The following PALB2 variants were observed in gnomAD, a reference collection of about 807,000 sequenced individuals.
PALB2 encodes the protein partner and localizer of BRCA2.
In PALB2, 82 loss-of-function variants were observed where a neutral mutation model predicts 107.4. The observed-to-expected ratio is 0.76, with a 90% CI of 0.64 to 0.92. PALB2 has a LOEUF of 0.92. Ranked by LOEUF, PALB2 falls within the 40% of genes least tolerant of loss-of-function variation. The probability of loss-of-function intolerance (pLI) is 0.00; values close to 1 mark genes in which losing one functional copy is unlikely to be tolerated. For missense variants in PALB2, 1,374 were observed against 1,379.9 expected, an observed-to-expected ratio of 1.00 and a Z score of 0.07; for synonymous variants, 489 against 496.8, an observed-to-expected ratio of 0.98 and a Z score of 0.21.
chr16:23,635,112 A>T lies in PALB2; in HGVS notation c.1434T>A (p.Ser478=), dbSNP rs1394196009. 1 of 1,614,178 alleles carries T rather than the reference A, an allele frequency of 6.2e-7. No individual in the cohort carries two copies. Among genetic ancestry groups the T allele is most frequent in the Non-Finnish European group, 8.5e-7 (1 of 1,180,020 alleles). ...TCTGQPSSRT[S]QKLLSLTKVS... is the part of the protein sequence containing the mutation. Reference sequence around the variant, plus strand: ...CTTTAGTTAATGAGAGAAGTTTCTGAGAGGTTCTTGAACTTGGTTGTCCTG... The same window carrying T: ...CTTTAGTTAATGAGAGAAGTTTCTGTGAGGTTCTTGAACTTGGTTGTCCTG... The change falls in exon 4 of 13, where the codon TCT becomes TCA. Residue 478 remains serine, a synonymous_variant. Coordinates refer to ENST00000261584, the MANE Select transcript of PALB2 (RefSeq NM_024675.4).
chr16:23,607,603 T>TGTCCCCC, intron 12 of PALB2, among the ~76,000 whole-genome samples: 1 of 151,974 alleles, frequency 6.6e-6, no homozygotes, highest in East Asian at 1.9e-4. Context: ...GCCAAAATAT[T>TGTCCCCC]TACCTTAGGG....
intron 11 of PALB2, among the ~76,000 whole-genome samples, chr16:23,613,205 A>T (rs117893022): frequency 6.6e-6 from 1 of 152,100 alleles, no homozygotes; most frequent in Admixed American, 6.6e-5. Flanking sequence ...TATATAGCAC[A>T]TTGTTGCTAA....
At chr16:23,612,357 T>A (rs1208094962) in intron 11 of PALB2, among the ~76,000 whole-genome samples, 4 of 151,936 alleles carry the variant, frequency 2.6e-5, no homozygotes, top group Non-Finnish European at 5.9e-5. Context: ...TAGCTGGGAT[T>A]ACAGGTGCCT....
At chr16:23,604,884 G>A (rs980262615) in intron 12 of PALB2, among the ~76,000 whole-genome samples, 1 of 151,990 alleles carries the variant, frequency 6.6e-6, no homozygotes, top group Admixed American at 6.6e-5. Flanking sequence ...GACTAGCCTG[G>A]CCAACATGGT....
At chr16:23,607,545 C>CT (rs1483794839) in intron 12 of PALB2, among the ~76,000 whole-genome samples, 3 of 151,988 alleles carry the variant, frequency 2.0e-5, no homozygotes, top group African/African-American at 4.8e-5. Flanking sequence ...CTCCTCCCAC[C>CT]TTGACCTCCC....
chr16:23,638,425 T>A (rs754143144), intron 1 of PALB2: 3 of 484,738 alleles, frequency 6.2e-6, no homozygotes, highest in Non-Finnish European at 1.1e-5. Context: ...AAATCTAGGT[T>A]AGACACTCTA....
intron 1 of PALB2, among the ~76,000 whole-genome samples, chr16:23,639,573 A>C (rs1369708670): frequency 6.7e-6 from 1 of 150,278 alleles, no homozygotes; most frequent in Non-Finnish European, 1.5e-5. Flanking sequence ...TAATCCCAGC[A>C]CTTTGGAAGG....
At chr16:23,616,905 C>T (rs1410003214) in intron 10 of PALB2, among the ~76,000 whole-genome samples, 4 of 152,006 alleles carry the variant, frequency 2.6e-5, no homozygotes, top group Admixed American at 6.6e-5. Context: ...CTCCACCTCC[C>T]GGGTTCATGC....
rs199767268 is a variant in PALB2, at chr16:23,622,785, CT to C, written c.2996+183del. Among the ~76,000 whole-genome samples the C allele has an allele frequency of 7.1e-3, 1,085 of 152,236 alleles. 15 individuals carry two copies. The highest frequency in any genetic ancestry group is 6.9e-3 in the Non-Finnish European group (469 of 68,026). ...CCTCTCACCTTCTTTGACTTCATCC[CT>C]GACATGTCTGGCTTCCACCTCACTA... On this transcript the variant is annotated intron_variant, in intron 9 of 12. Transcript: ENST00000261584.
intron 7 of PALB2, 21 bp downstream of exon 7, chr16:23,626,215 C>T (rs756229979): frequency 6.2e-7 from 1 of 1,614,132 alleles, no homozygotes; most frequent in Non-Finnish European, 8.5e-7. Flanking sequence ...AGATCTCTTT[C>T]AGCTCGAGAT....
rs773829275 is a variant in PALB2 at position 23,603,526 on chromosome 16, G to A, written c.3494C>T (p.Ser1165Leu). The change falls in exon 13 of 13, where the codon TCG becomes TTG. Residue 1165 changes from serine (S) to leucine (L), a missense_variant. Transcript: ENST00000261584. ...AGCCAGCAAATGAGAGTCTGTACCCGACCATTTCACAAAAGACCAATGTTG... is the reference window on the plus strand; with the variant it reads ...AGCCAGCAAATGAGAGTCTGTACCCAACCATTTCACAAAAGACCAATGTTG... The part of the protein sequence containing the change: ...SDQHWSFVKW[S>L]GTDSHLLAGQ... 8 of 1,613,782 alleles carry A rather than the reference G, an allele frequency of 5.0e-6. No homozygotes were observed. Among genetic ancestry groups the A allele is most frequent in the South Asian group, 3.3e-5 (3 of 91,040 alleles).
At chr16:23,629,107 T>C (rs1468923013) in intron 6 of PALB2, 97 bp downstream of exon 6, 4 of 917,870 alleles carry the variant, frequency 4.4e-6, no homozygotes, top group Admixed American at 3.5e-5. Flanking sequence ...TCTTTAATAG[T>C]ATTAAAGAAC....
intron 7 of PALB2, among the ~76,000 whole-genome samples, 165 bp downstream of exon 7, chr16:23,626,071 C>T (rs1966841988): frequency 6.6e-6 from 1 of 152,130 alleles, no homozygotes; most frequent in African/African-American, 2.4e-5. Flanking sequence ...GCTCACTATA[C>T]AACTTTTCTG....
intron 1 of PALB2, chr16:23,638,634 C>A: frequency 2.3e-6 from 1 of 436,792 alleles, no homozygotes; most frequent in South Asian, 1.6e-5. Context: ...AATTAGTGCT[C>A]CAGATGCTAT....
intron 6 of PALB2, 65 bp from the exon 7 acceptor site, chr16:23,626,462 A>G (rs1220258043): frequency 2.6e-6 from 4 of 1,535,708 alleles, no homozygotes; most frequent in Non-Finnish European, 3.6e-6. Flanking sequence ...AAGCATAAGT[A>G]TGCAAAGTGA....
In PALB2 at chr16:23,607,957, C is replaced by T. The variant is rs146377793; in HGVS notation, c.3257G>A (p.Arg1086Gln). The T allele has an allele frequency of 3.9e-5, 63 of 1,613,978 alleles. No homozygotes were observed. The African/African-American group carries it at 6.1e-4, about 16-fold the overall frequency. Residue 1086 changes from arginine (R) to glutamine (Q), a missense_variant, in exon 12 of 13, where the codon CGA (arginine) becomes CAA (glutamine). By Grantham distance (43) the Arg-to-Gln change is conservative. Coordinates refer to ENST00000261584, the MANE Select transcript of PALB2 (RefSeq NM_024675.4). ...HPCAKESESL[R>Q]SPVFQLIVIN... Reference sequence around the variant, plus strand: ...CACAATGAGCTGAAACACAGGGCTTCGCAACGACTCACTCTCTTTGGCACA... The same window carrying T: ...CACAATGAGCTGAAACACAGGGCTTTGCAACGACTCACTCTCTTTGGCACA...
rs200296117 is a variant in PALB2, at chr16:23,630,210, A to G, written c.1944T>C (p.Leu648=). ...CTGGAAAAATACAGCTTCCCTCTTT[A>G]AGATGTCTCTCTCCAAACATTTTTG... is the stretch of plus-strand genomic sequence containing the variant. The part of the protein sequence containing the change: ...FESKMFGERH[L]KEGSCIFPEE... Residue 648 remains leucine, a synonymous_variant, in exon 5 of 13, where the codon CTT becomes CTC. Coordinates refer to ENST00000261584, the MANE Select transcript of PALB2 (RefSeq NM_024675.4). The G allele has an allele frequency of 3.7e-6, 6 of 1,614,046 alleles. No individual in the cohort carries two copies. The East Asian group carries it at 6.7e-5, about 18-fold the overall frequency.
rs891421071 is a variant in PALB2, at chr16:23,616,852, G to A, written c.3114-2761C>T. On this transcript the variant is annotated intron_variant, in intron 10 of 12. Transcript: ENST00000261584. The stretch of plus-strand genomic sequence containing the variant: ...TTTTTTGAGACGGAGTCTCATTGTC[G>A]CCCAGGCTGGAGTGCAGTGGCGTGA... Among the ~76,000 whole-genome samples, 10 of 149,848 alleles carry A rather than the reference G, an allele frequency of 6.7e-5. No homozygotes were observed. The South Asian group carries it at 1.3e-3, about 19-fold the overall frequency.
chr16:23,620,573 T>C (rs2142323020), intron 10 of PALB2, among the ~76,000 whole-genome samples: 1 of 152,314 alleles, frequency 6.6e-6, no homozygotes, highest in Non-Finnish European at 1.5e-5. Context: ...GTTTTTTGTA[T>C]TTTTTCCAGA....
Sources: gnomAD v4.1 joint callset for allele counts (sites outside exome capture counted in the v4.1 genomes callset) on GRCh38, gnomAD v4.1.1 for gene constraint, MANE v1.5 for transcripts, NCBI Gene and HGNC (gene_info 2026-07-23, HGNC 2026-07-21) for gene names.